TMPRSS9: variants seen among roughly 807,000 people sequenced by gnomAD.
The protein encoded by TMPRSS9 is transmembrane protease serine 9.
Under a neutral mutation model 111.4 loss-of-function variants are expected in TMPRSS9, and 113 were observed. The ratio of observed to expected loss-of-function variants is 1.01; its 90% CI spans 0.87 to 1.19. TMPRSS9 has a LOEUF of 1.19. Among genes scored for constraint, TMPRSS9 ranks in the 50% most tolerant of loss-of-function variants. The probability of loss-of-function intolerance (pLI) is 0.00; values close to 1 mark genes in which losing one functional copy is unlikely to be tolerated. For synonymous variants in TMPRSS9, 805 were observed against 659.1 expected, an observed-to-expected ratio of 1.22 and a Z score of -3.39; for missense variants, 1,803 against 1,513.1, an observed-to-expected ratio of 1.19 and a Z score of -3.18.
chr19:2,362,065 A>G (rs55974660), intron 1 of TMPRSS9, among the ~76,000 whole-genome samples: 23,872 of 151,728 alleles, frequency 0.16, 2,479 homozygotes, highest in African/African-American at 0.29. Flanking sequence ...CTGTAGCTGC[A>G]TATGGCCATG....
At chr19:2,424,182 G>A in exon 15 of TMPRSS9, 4 of 1,461,710 alleles carry the variant, frequency 2.7e-6, no homozygotes, top group South Asian at 1.4e-5. Flanking sequence ...CTGTGGCTGC[G>A]GCGCCGGGAA....
intron 9 of TMPRSS9, among the ~76,000 whole-genome samples, chr19:2,412,078 A>T (rs1432677796): frequency 6.6e-6 from 1 of 152,046 alleles, no homozygotes; most frequent in East Asian, 1.9e-4. Flanking sequence ...TTTCATGGAG[A>T]TTGGAATCCC....
chr19:2,407,608 C>CTTTTTTTTT (rs71178273), intron 7 of TMPRSS9, among the ~76,000 whole-genome samples: 3 of 98,402 alleles, frequency 3.0e-5, no homozygotes, highest in Non-Finnish European at 6.1e-5. Flanking sequence ...CTTTTCTTTT[C>CTTTTTTTTT]TTTTTTTTTT....
At chr19:2,411,908 G>C (rs1252442429) in intron 9 of TMPRSS9, among the ~76,000 whole-genome samples, 1 of 152,110 alleles carries the variant, frequency 6.6e-6, no homozygotes, top group Non-Finnish European at 1.5e-5. Context: ...CAGCCACCTG[G>C]TCTTGTTTGC....
intron 1 of TMPRSS9, among the ~76,000 whole-genome samples, chr19:2,379,633 CTTTCTT>C (rs1568170778): frequency 3.3e-4 from 49 of 146,366 alleles, no homozygotes; most frequent in African/African-American, 1.1e-3. Flanking sequence ...TTCTTTCTTT[CTTTCTT>C]TCTTTCTTTC....
At chr19:2,371,004 C>T (rs530026566) in intron 1 of TMPRSS9, among the ~76,000 whole-genome samples, 48 of 152,162 alleles carry the variant, frequency 3.2e-4, no homozygotes, top group African/African-American at 4.1e-4. Context: ...TCTTGATGAC[C>T]GAGGTTTTTG....
At chr19:2,394,245 A>G (rs1970661726) in intron 1 of TMPRSS9, among the ~76,000 whole-genome samples, 3 of 84,222 alleles carry the variant, frequency 3.6e-5, no homozygotes, top group South Asian at 5.1e-4. Context: ...CAGGCGTGAT[A>G]GTGGGCGCCT....
At chr19:2,363,755 A>AG (rs1454927513) in intron 1 of TMPRSS9, among the ~76,000 whole-genome samples, 4 of 142,902 alleles carry the variant, frequency 2.8e-5, no homozygotes, top group Non-Finnish European at 6.0e-5. Flanking sequence ...AGCAATGTGG[A>AG]GGAGTCACTA....
chr19:2,416,469 C>T (rs1261192206), intron 11 of TMPRSS9, 69 bp from the exon 13 acceptor site: 1 of 1,545,818 alleles, frequency 6.5e-7, no homozygotes, highest in Non-Finnish European at 8.7e-7. Context: ...TGTGCATCAG[C>T]CCTGTCCCTC....
chr19:2,363,835 AGAGAGT>A (rs1331497784), intron 1 of TMPRSS9, among the ~76,000 whole-genome samples: 1 of 105,524 alleles, frequency 9.5e-6, no homozygotes, highest in Non-Finnish European at 1.8e-5. Flanking sequence ...AGAGAGAGAG[AGAGAGT>A]GAGAGTGGGA....
At chr19:2,385,390 C>T (rs1029895497), upstream of TMPRSS9, among the ~76,000 whole-genome samples, 3 of 152,172 alleles carry the variant, frequency 2.0e-5, no homozygotes, top group Admixed American at 6.6e-5. Flanking sequence ...GGGTGGATCC[C>T]CTGCTCCAAC....
intron 1 of TMPRSS9, among the ~76,000 whole-genome samples, chr19:2,380,476 C>T (rs1039334131): frequency 1.3e-5 from 2 of 151,524 alleles, no homozygotes; most frequent in Admixed American, 6.6e-5. Flanking sequence ...TGGCATGCAC[C>T]TGTAATCCCA....
chr19:2,362,856 T>G (rs1021277142), intron 1 of TMPRSS9, among the ~76,000 whole-genome samples: 17 of 151,650 alleles, frequency 1.1e-4, no homozygotes, highest in African/African-American at 4.1e-4. Flanking sequence ...GGTTGTGGTG[T>G]GTGGTTGTGT....
At chr19:2,384,148 C>CTG in intron 1 of TMPRSS9, among the ~76,000 whole-genome samples, 1 of 152,294 alleles carries the variant, frequency 6.6e-6, no homozygotes, top group Admixed American at 6.5e-5. Context: ...GCTTCCTTTT[C>CTG]TGTGGGTTTC....
intron 1 of TMPRSS9, among the ~76,000 whole-genome samples, chr19:2,395,583 A>G (rs987454580): frequency 1.3e-5 from 2 of 152,010 alleles, no homozygotes; most frequent in African/African-American, 4.8e-5. Flanking sequence ...ATGGTGGTGC[A>G]TGCCTGTAAT....
chr19:2,362,395 T>A (rs1405757002), intron 1 of TMPRSS9, among the ~76,000 whole-genome samples: 7 of 151,842 alleles, frequency 4.6e-5, no homozygotes, highest in Admixed American at 4.6e-4. Context: ...CCTGTGATTG[T>A]GGTGGAGGTG....
At chr19:2,389,781 G>A in exon 1 of TMPRSS9, 1 of 1,611,224 alleles carries the variant, frequency 6.2e-7, no homozygotes, top group Non-Finnish European at 8.5e-7. Flanking sequence ...GCGTGTCTCT[G>A]AGCCATGGAG....
At chr19:2,364,398 T>C (rs1446793785) in intron 1 of TMPRSS9, among the ~76,000 whole-genome samples, 1 of 152,088 alleles carries the variant, frequency 6.6e-6, no homozygotes, top group Non-Finnish European at 1.5e-5. Context: ...CACTCATAAC[T>C]GCATAAGGCT....
upstream of TMPRSS9, among the ~76,000 whole-genome samples, chr19:2,386,025 G>A (rs1436200490): frequency 6.6e-6 from 1 of 151,992 alleles, no homozygotes; most frequent in Non-Finnish European, 1.5e-5. Flanking sequence ...GGTCCTTGCA[G>A]CCTCAACCTC....
Sources: gnomAD v4.1 joint callset for allele counts (sites outside exome capture counted in the v4.1 genomes callset) on GRCh38, gnomAD v4.1.1 for gene constraint, MANE v1.5 for transcripts, NCBI Gene and HGNC (gene_info 2026-07-23, HGNC 2026-07-21) for gene names.